The following KIAA0232 variants were observed in gnomAD, a reference collection of about 807,000 sequenced individuals.
The protein encoded by KIAA0232 is KIAA0232, also known as uncharacterized protein KIAA0232.
Under a neutral mutation model 122.0 loss-of-function variants are expected in KIAA0232, and 27 were observed. The observed-to-expected ratio is 0.22, with a 90% CI of 0.16 to 0.31. The LOEUF (loss-of-function observed/expected upper bound fraction) is 0.31, where lower values mean the gene tolerates loss of function less well. KIAA0232 is among the 10% of genes least tolerant of loss of function. KIAA0232 has a pLI of 1.00. For missense variants in KIAA0232, 1,551 were observed against 1,634.2 expected (o/e 0.95, Z 0.88); for synonymous variants, 613 against 587.6 (o/e 1.04, Z -0.63).
At chr4:6,865,537 G>A (rs1721128201) in intron 7 of KIAA0232, among the ~76,000 whole-genome samples, 1 of 152,238 alleles carries the variant, frequency 6.6e-6, no homozygotes, top group Admixed American at 6.5e-5. Flanking sequence ...CTAACTTCAA[G>A]TGATCCACCT....
intron 1 of KIAA0232, among the ~76,000 whole-genome samples, chr4:6,793,781 C>A (rs1717010196): frequency 6.6e-6 from 1 of 152,074 alleles, no homozygotes; most frequent in Non-Finnish European, 1.5e-5. Flanking sequence ...CTTAGATAAA[C>A]CATTTAATGT....
In KIAA0232 at chr4:6,812,221, G is replaced by T. The variant is rs552588653; in HGVS notation, c.-270+7615G>T. Reference sequence around the variant, plus strand: ...CTCAACATAGTCATTTGCTAGAGGGGAGAGGGTCAAAACCAGTGTCGTCTA... The same window carrying T: ...CTCAACATAGTCATTTGCTAGAGGGTAGAGGGTCAAAACCAGTGTCGTCTA... On this transcript the variant is annotated intron_variant, in intron 2 of 9. Transcript: ENST00000307659. 6.6e-5 allele frequency among the ~76,000 whole-genome samples: 10 copies of T among 152,250 alleles called. No individual in the cohort carries two copies. The South Asian group carries it at 2.1e-3, about 32-fold the overall frequency.
At chr4:6,839,962 G>A (rs1198111706) in intron 3 of KIAA0232, among the ~76,000 whole-genome samples, 1 of 152,194 alleles carries the variant, frequency 6.6e-6, no homozygotes, top group Non-Finnish European at 1.5e-5. Context: ...CAATATATCA[G>A]TGGATTTATT....
intron 4 of KIAA0232, 70 bp from the exon 5 acceptor site, chr4:6,857,094 C>A: frequency 1.7e-6 from 2 of 1,148,972 alleles, no homozygotes; most frequent in Non-Finnish European, 2.4e-6. Context: ...TGTATTAAAA[C>A]AAAAGTATAC....
chr4:6,878,631 C>T lies in KIAA0232; in HGVS notation c.4008+1874C>T, dbSNP rs35054803. ...ACTACCCATTCTGTATTCCCTTTGC[C>T]TTCAGCAAGCACCTCAGCAGGTTGT... On this transcript the variant is annotated intron_variant, in intron 9 of 9. Transcript: ENST00000307659. Among the ~76,000 whole-genome samples, 1,310 of 152,264 alleles carry T rather than the reference C, an allele frequency of 8.6e-3. 20 individuals carry two copies. Among genetic ancestry groups the T allele is most frequent in the African/African-American group, 0.027 (1,124 of 41,530 alleles).
intron 1 of KIAA0232, among the ~76,000 whole-genome samples, chr4:6,791,564 A>G (rs1716895356): frequency 6.6e-6 from 1 of 151,960 alleles, no homozygotes; most frequent in African/African-American, 2.4e-5. Context: ...CCTGAACTCA[A>G]GCGATGCTCC....
intron 4 of KIAA0232, among the ~76,000 whole-genome samples, chr4:6,849,128 G>A (rs528857691): frequency 4.6e-5 from 7 of 152,300 alleles, no homozygotes; most frequent in African/African-American, 1.2e-4. Context: ...AACTAAACAC[G>A]GTGAGTGAGC....
At chr4:6,872,443 C>T (rs941573857) in intron 8 of KIAA0232, among the ~76,000 whole-genome samples, 2 of 152,108 alleles carry the variant, frequency 1.3e-5, no homozygotes, top group African/African-American at 4.8e-5. Flanking sequence ...GGCGCTGATG[C>T]GGTGAGGAAG....
intron 4 of KIAA0232, among the ~76,000 whole-genome samples, chr4:6,849,303 G>C (rs746565205): frequency 3.9e-5 from 6 of 152,272 alleles, no homozygotes; most frequent in Non-Finnish European, 5.9e-5. Context: ...AGACAGCCAA[G>C]GGTTTTGATC....
In KIAA0232 at chr4:6,858,496, C is replaced by G. The variant is rs1296861973; in HGVS notation, c.508C>G (p.Gln170Glu). The change falls in exon 6 of 10, where the codon CAA becomes GAA. Residue 170 changes from glutamine (Q) to glutamate (E), a missense_variant. By Grantham distance (29) the Gln-to-Glu change is conservative. Coordinates refer to ENST00000307659, the MANE Select transcript of KIAA0232 (RefSeq NM_014743.3). ...AGAATTATCCCCTCCAGCAAAGGAT[C>G]AAGTGGAAATGTATGTAAGATTGTA... ...EAELSPPAKD[Q>E]VEMYYEAFPP... 4 of 1,602,690 alleles carry G rather than the reference C, an allele frequency of 2.5e-6. No individual in the cohort carries two copies. The highest frequency in any genetic ancestry group is 2.7e-5 in the African/African-American group (2 of 74,450).
intron 1 of KIAA0232, among the ~76,000 whole-genome samples, chr4:6,792,559 T>G (rs1716943216): frequency 6.6e-6 from 1 of 152,160 alleles, no homozygotes; most frequent in Non-Finnish European, 1.5e-5. Flanking sequence ...TTATATTGCA[T>G]GTAGAATATT....
At position 6,824,646 on chromosome 4, in the gene KIAA0232, C is replaced by T. The variant is rs1214894256; in HGVS notation, c.193C>T (p.Leu65=). 8.7e-6 allele frequency: 14 copies of T among 1,614,208 alleles called. No individual in the cohort carries two copies. The East Asian group carries it at 8.9e-5, about 10-fold the overall frequency. The change falls in exon 3 of 10, where the codon CTG becomes TTG. Residue 65 remains leucine (L), a synonymous_variant. Transcript: ENST00000307659. ...MIYTRYVLSL[L]LHDSYDYDLQ... ...TTACACTCGGTATGTCCTCAGTCTTCTGCTGCATGACAGCTATGACTACGA... is the reference window on the plus strand; with the variant it reads ...TTACACTCGGTATGTCCTCAGTCTTTTGCTGCATGACAGCTATGACTACGA...
intron 4 of KIAA0232, among the ~76,000 whole-genome samples, chr4:6,844,994 C>T (rs923980725): frequency 6.6e-6 from 1 of 152,234 alleles, no homozygotes; most frequent in African/African-American, 2.4e-5. Context: ...TCGGTAACAA[C>T]CAAGCTACAA....
chr4:6,807,056 A>ATCTC (rs1717655137), intron 2 of KIAA0232, among the ~76,000 whole-genome samples: 1 of 151,204 alleles, frequency 6.6e-6, no homozygotes. Flanking sequence ...CTATCTATCT[A>ATCTC]TCTATCTATC....
At chr4:6,849,289 A>G (rs957415020) in intron 4 of KIAA0232, among the ~76,000 whole-genome samples, 11 of 152,164 alleles carry the variant, frequency 7.2e-5, no homozygotes, top group Non-Finnish European at 1.3e-4. Flanking sequence ...GGAGGAGACA[A>G]GGAAGACAGC....
chr4:6,824,753 GC>G, intron 3 of KIAA0232, 69 bp downstream of exon 3: 1 of 1,318,420 alleles, frequency 7.6e-7, no homozygotes, highest in African/African-American at 1.4e-5. Context: ...TCTTAAACAA[GC>G]ACTTTTATAC....
chr4:6,845,534 G>A (rs1308749182), intron 4 of KIAA0232, among the ~76,000 whole-genome samples: 1 of 151,818 alleles, frequency 6.6e-6, no homozygotes, highest in East Asian at 1.9e-4. Flanking sequence ...GGAGTAAATC[G>A]ATAATTTGTA....
rs1406879898 is a variant in KIAA0232 at position 6,861,651 on chromosome 4, A to G, written c.1269A>G (p.Thr423=). 2.5e-6 allele frequency: 4 copies of G among 1,614,004 alleles called. No homozygotes were observed. The highest frequency in any genetic ancestry group is 3.4e-6 in the Non-Finnish European group (4 of 1,180,046). ...GCAGAAAAAGTAAACTAGAGACCAC[A>G]TACCGAAACAGACAGGATACAAGTG... ...PLSRKSKLET[T]YRNRQDTSDL... Residue 423 remains threonine, a synonymous_variant, in exon 7 of 10, where the codon ACA becomes ACG. Transcript: ENST00000307659.
chr4:6,821,665 T>A (rs1037416942), intron 2 of KIAA0232, among the ~76,000 whole-genome samples: 6 of 137,190 alleles, frequency 4.4e-5, no homozygotes, highest in Admixed American at 2.3e-4. Flanking sequence ...CGTGTATGTG[T>A]ATACATATAT....
Sources: gnomAD v4.1 joint callset for allele counts (sites outside exome capture counted in the v4.1 genomes callset) on GRCh38, gnomAD v4.1.1 for gene constraint, MANE v1.5 for transcripts, NCBI Gene and HGNC (gene_info 2026-07-23, HGNC 2026-07-21) for gene names.